The following GREB1 variants were observed in gnomAD, a reference collection of about 807,000 sequenced individuals.
GREB1 encodes protein GREB1.
A neutral mutation model predicts 200.7 loss-of-function variants in GREB1; 106 were observed. The ratio of observed to expected loss-of-function variants is 0.53; its 90% confidence interval spans 0.45 to 0.62. GREB1 has a LOEUF of 0.62. Ranked by LOEUF, GREB1 falls within the 20% of genes least tolerant of loss-of-function variation. The probability of loss-of-function intolerance (pLI) is 0.00; values close to 1 mark genes in which losing one functional copy is unlikely to be tolerated. For missense variants in GREB1, 2,243 were observed against 2,556.8 expected (o/e 0.88, Z 2.65); for synonymous variants, 1,132 against 1,092.4 (o/e 1.04, Z -0.72).
At chr2:11,618,237 C>T in intron 21 of GREB1, 51 bp from the exon 22 acceptor site, 1 of 1,518,770 alleles carries the variant, frequency 6.6e-7, no homozygotes, top group Non-Finnish European at 8.8e-7. Context: ...TGGGTGACTC[C>T]TGGGACAGGT....
intron 1 of GREB1, among the ~76,000 whole-genome samples, chr2:11,504,332 A>G (rs1673123008): frequency 6.6e-6 from 1 of 152,222 alleles, no homozygotes; most frequent in South Asian, 2.1e-4. Context: ...GTAGTTTCAG[A>G]CCTTGGAAAA....
At chr2:11,583,097 G>T (rs529454799) in intron 7 of GREB1, among the ~76,000 whole-genome samples, 2 of 152,150 alleles carry the variant, frequency 1.3e-5, no homozygotes, top group Non-Finnish European at 2.9e-5. Flanking sequence ...GATCCACATT[G>T]GTACCATGGG....
rs1328906105 is a variant in GREB1, at chr2:11,633,087, C to G, written c.4991+24C>G. The G allele has an allele frequency of 5.6e-6, 9 of 1,610,458 alleles. No individual in the cohort carries two copies. Among genetic ancestry groups the G allele is most frequent in the Non-Finnish European group, 7.6e-6 (9 of 1,177,146 alleles). On this transcript the variant is annotated intron_variant, in intron 28 of 32. Transcript: ENST00000381486. This position sits in a 1 kb window ranked among gnomAD's most constrained non-coding sequence, Gnocchi z 4.1. ...AGGTGAGGTAACCTGAGAGCACCAC[C>G]TCCTGCCACCCTACGAATGATGACC...
upstream of GREB1, among the ~76,000 whole-genome samples, chr2:11,533,304 G>A (rs527415672): frequency 6.6e-6 from 1 of 152,166 alleles, no homozygotes; most frequent in Non-Finnish European, 1.5e-5. Flanking sequence ...GAAAAAAACA[G>A]ATAAATGGGA....
chr2:11,532,322 A>G (rs1165446288), upstream of GREB1, among the ~76,000 whole-genome samples: 1 of 152,194 alleles, frequency 6.6e-6, no homozygotes, highest in Non-Finnish European at 1.5e-5. Context: ...AGGGAGGTTC[A>G]TGAAAATTAT....
chr2:11,545,279 A>G (rs1294413711), intron 1 of GREB1, among the ~76,000 whole-genome samples: 2 of 150,934 alleles, frequency 1.3e-5, no homozygotes, highest in East Asian at 2.0e-4. Context: ...GATTACAGGC[A>G]CCCGCCACCT....
chr2:11,597,414 G>A lies in GREB1; in HGVS notation c.1955-367G>A, dbSNP rs1395751560. On this transcript the variant is annotated intron_variant, in intron 13 of 32. Transcript: ENST00000381486. The surrounding 1 kb of genome is among the most constrained non-coding windows in gnomAD (Gnocchi z 4.1). The stretch of plus-strand genomic sequence containing the variant: ...TACAGAGTTCCTAAATGACTGTCGT[G>A]TTAGTTTTCTTTTCTGGAGAGTTTG... Among the ~76,000 whole-genome samples, 1 of 152,084 alleles carries A rather than the reference G, an allele frequency of 6.6e-6. No individual in the cohort carries two copies. The highest frequency in any genetic ancestry group is 1.5e-5 in the Non-Finnish European group (1 of 68,010).
chr2:11,506,059 G>A (rs539148642), intron 1 of GREB1, among the ~76,000 whole-genome samples: 7 of 152,170 alleles, frequency 4.6e-5, no homozygotes, highest in East Asian at 1.9e-4. Flanking sequence ...AGCCTGTTGC[G>A]TTTGTTTATT....
chr2:11,629,929 C>T lies in GREB1; in HGVS notation c.4450-19C>T. 6.2e-7 allele frequency: 1 copy of T among 1,612,646 alleles called. No homozygotes were observed. The highest frequency in any genetic ancestry group is 8.5e-7 in the Non-Finnish European group (1 of 1,179,072). Reference sequence around the variant, plus strand: ...GCCGGACTCTGACGGCAAGCTCTGTCCTTTCCCCCACACCCCAGCTGTATG... The same window carrying T: ...GCCGGACTCTGACGGCAAGCTCTGTTCTTTCCCCCACACCCCAGCTGTATG... On this transcript the variant is annotated intron_variant, in intron 25 of 32. Transcript: ENST00000381486. This position sits in a 1 kb window ranked among gnomAD's most constrained non-coding sequence, Gnocchi z 5.2.
intron 19 of GREB1, among the ~76,000 whole-genome samples, chr2:11,614,512 G>A (rs1167163937): frequency 5.9e-5 from 9 of 152,130 alleles, no homozygotes; most frequent in Non-Finnish European, 1.2e-4. Flanking sequence ...GGCTTCTGTC[G>A]CTAGGAAGTA....
intron 2 of GREB1, among the ~76,000 whole-genome samples, chr2:11,559,377 C>G (rs968369620): frequency 6.6e-6 from 1 of 152,156 alleles, no homozygotes; most frequent in African/African-American, 2.4e-5. Flanking sequence ...CTGATGTAGA[C>G]CTTTGACTTT....
chr2:11,620,503 A>G (rs1372126477), intron 22 of GREB1, among the ~76,000 whole-genome samples: 4 of 151,546 alleles, frequency 2.6e-5, no homozygotes, highest in Non-Finnish European at 5.9e-5. Context: ...TTTTTTTTTT[A>G]TGTCTTATAC....
At chr2:11,571,683 A>G (rs184085661) in intron 4 of GREB1, among the ~76,000 whole-genome samples, 50 of 152,280 alleles carry the variant, frequency 3.3e-4, no homozygotes, top group African/African-American at 1.2e-3. Flanking sequence ...TTTTTTAACC[A>G]AAAACAATAC....
At chr2:11,594,307 G>A (rs1378014785) in intron 11 of GREB1, among the ~76,000 whole-genome samples, 2 of 150,990 alleles carry the variant, frequency 1.3e-5, no homozygotes, top group African/African-American at 2.4e-5. Flanking sequence ...ACTGTGCCTG[G>A]CATTTAATGT....
chr2:11,616,870 C>A, intron 21 of GREB1, 150 bp downstream of exon 21: 1 of 621,316 alleles, frequency 1.6e-6, no homozygotes, highest in Non-Finnish European at 2.9e-6. Context: ...GCTAGACTCT[C>A]TAGAGAGTAA....
At chr2:11,503,791 C>T (rs1254877650) in intron 1 of GREB1, among the ~76,000 whole-genome samples, 1 of 152,172 alleles carries the variant, frequency 6.6e-6, no homozygotes, top group Non-Finnish European at 1.5e-5. Flanking sequence ...GATAACCTTC[C>T]TGTTTATTGC....
At chr2:11,523,461 A>G (rs73187494) in intron 1 of GREB1, among the ~76,000 whole-genome samples, 8,233 of 152,198 alleles carry the variant, frequency 0.054, 816 homozygotes, top group African/African-American at 0.19. Context: ...GCTAATTGCT[A>G]TTGGTCTTGG....
chr2:11,619,404 G>A (rs1355924932), intron 22 of GREB1, among the ~76,000 whole-genome samples: 1 of 152,210 alleles, frequency 6.6e-6, no homozygotes, highest in Non-Finnish European at 1.5e-5. Flanking sequence ...GTGGGGAGGA[G>A]GAGGGCTGGG....
In GREB1 at chr2:11,593,143, G is replaced by T; in HGVS notation, c.1696+17G>T. The T allele has an allele frequency of 6.6e-7, 1 of 1,526,316 alleles. No individual in the cohort carries two copies. Among genetic ancestry groups the T allele is most frequent in the Non-Finnish European group, 8.9e-7 (1 of 1,123,542 alleles). The allele number at this position is 1,526,316 out of a possible 1,614,324, so 94.5% of individuals were successfully genotyped here. A position where few individuals can be genotyped will look rare whatever the true frequency, so the allele number is the denominator to read the frequency against. On this transcript the variant is annotated intron_variant, in intron 11 of 32. Transcript: ENST00000381486. ...CCGTCACCGGTGAGCTCTGGGCCGC[G>T]CGGCTGCGGGAAAGCCCCCTGAACG...
Sources: allele counts gnomAD v4.1 joint callset (sites outside exome capture counted in the v4.1 genomes callset), GRCh38; gene constraint gnomAD v4.1.1; non-coding constraint Gnocchi (gnomAD v3.1); transcripts MANE v1.5; gene names NCBI Gene and HGNC (gene_info 2026-07-23, HGNC 2026-07-21).